Variants in CDV3 observed in about 807,000 individuals in gnomAD.
CDV3 encodes the protein CDV3 homolog, also known as protein CDV3 homolog.
Under a neutral mutation model 24.5 loss-of-function variants are expected in CDV3, and 14 were observed. The observed-to-expected ratio is 0.57, with a 90% CI of 0.38 to 0.89. The LOEUF is 0.89. Among genes scored for constraint, CDV3 ranks in the 40% least tolerant of loss-of-function variants. The probability of loss-of-function intolerance (pLI) is 0.00; values close to 1 mark genes in which losing one functional copy is unlikely to be tolerated. For synonymous variants in CDV3, 114 were observed against 114.1 expected (o/e 1.00, Z 0.00); for missense variants, 304 against 310.2 (o/e 0.98, Z 0.15).
At chr3:133,587,216 TCTTA>T in intron 4 of CDV3, 4 of 1,331,186 alleles carry the variant, frequency 3.0e-6, no homozygotes, top group African/African-American at 3.0e-5. Flanking sequence ...CACATCTACA[TCTTA>T]CTTTAGGGAC....
At chr3:133,577,299 G>C (rs1456706475) in intron 2 of CDV3, among the ~76,000 whole-genome samples, 2 of 151,748 alleles carry the variant, frequency 1.3e-5, no homozygotes, top group South Asian at 4.2e-4. Flanking sequence ...TCTGCTACAT[G>C]TGCTTTATCT....
intron 2 of CDV3, among the ~76,000 whole-genome samples, chr3:133,582,841 A>G (rs1429123456): frequency 1.3e-4 from 20 of 152,196 alleles, no homozygotes; most frequent in Admixed American, 1.3e-3. Context: ...TTCGAGGTGA[A>G]GAGTTGCAAA....
In CDV3 at chr3:133,586,552, TA is replaced by T; in HGVS notation, c.467-7del. The T allele has an allele frequency of 1.4e-6, 2 of 1,465,130 alleles. No individual in the cohort carries two copies. The highest frequency in any genetic ancestry group is 1.9e-6 in the Non-Finnish European group (2 of 1,060,960). The allele number at this position is 1,465,130 out of a possible 1,614,324, so 90.8% of individuals were successfully genotyped here. A position where few individuals can be genotyped will look rare whatever the true frequency, so the allele number is the denominator to read the frequency against. On this transcript the variant is annotated splice_polypyrimidine_tract_variant and intron_variant, in intron 3 of 4. Transcript: ENST00000264993. The stretch of plus-strand genomic sequence containing the variant: ...TAAATAGTTTATCTAAAAATTGTTA[TA>T]AAATATTAGTTACAGAAACCCCAGA...
chr3:133,584,718 A>G (rs941363001), intron 3 of CDV3, among the ~76,000 whole-genome samples: 8 of 152,206 alleles, frequency 5.3e-5, no homozygotes, highest in African/African-American at 9.7e-5. Flanking sequence ...TCTTTGAAGC[A>G]TGAATTCTCA....
rs1020969990 is a variant in CDV3 at position 133,588,512 on chromosome 3, AAGTC to A, written c.*469_*472del. On this transcript the variant is annotated 3_prime_UTR_variant, in exon 5 of 5. Transcript: ENST00000264993. ...ATTCTTATCAGAAATCCTGCATAAA[AAGTC>A]AGCCATCTGGGTTCTGATCTGCTGT... The A allele has an allele frequency of 1.1e-5, 9 of 826,930 alleles. No homozygotes were observed. Among genetic ancestry groups the A allele is most frequent in the African/African-American group, 8.6e-5 (5 of 58,158 alleles). 51.2% of individuals were successfully genotyped at this position (826,930 alleles called of 1,614,324 possible). A position where few individuals can be genotyped will look rare whatever the true frequency, so the allele number is the denominator to read the frequency against.
At chr3:133,578,829 G>T (rs1576641595) in intron 2 of CDV3, among the ~76,000 whole-genome samples, 1 of 152,178 alleles carries the variant, frequency 6.6e-6, no homozygotes, top group Non-Finnish European at 1.5e-5. Flanking sequence ...GGGAAGGGGA[G>T]TTAGGATGTA....
At chr3:133,585,039 C>CT (rs1933441608) in intron 3 of CDV3, among the ~76,000 whole-genome samples, 1 of 152,014 alleles carries the variant, frequency 6.6e-6, no homozygotes, top group South Asian at 2.1e-4. Context: ...TCACAGATAA[C>CT]TACTCTATGT....
At chr3:133,574,580 C>T in intron 1 of CDV3, 8 of 991,702 alleles carry the variant, frequency 8.1e-6, no homozygotes, top group Non-Finnish European at 9.6e-6. Context: ...CAGCACAGAG[C>T]AGCGTTTATC....
Position 133,574,048 on chromosome 3 carries a change from G to T in CDV3, c.4G>T (p.Ala2Ser). The change falls in exon 1 of 5, where the codon GCT (alanine) becomes TCT (serine). Residue 2 changes from alanine to serine, a missense_variant. By Grantham distance (99) the Ala-to-Ser change is moderately conservative. Around this residue, in one of 3 missense-constraint regions of CDV3, gnomAD observed 219 missense variants for 203.6 expected, o/e 1.08. Coordinates refer to ENST00000264993, the MANE Select transcript of CDV3 (RefSeq NM_017548.5). Reference protein sequence around the residue: MAETEERSLDNF... With the variant: MSETEERSLDNF... ...CCGGGTCGAGGAGGCCGAGGCCATGGCTGAGACGGAGGAGCGGAGCCTGGA... is the reference window on the plus strand; with the variant it reads ...CCGGGTCGAGGAGGCCGAGGCCATGTCTGAGACGGAGGAGCGGAGCCTGGA... 1 of 1,205,140 alleles carries T rather than the reference G, an allele frequency of 8.3e-7. No individual in the cohort carries two copies. Among genetic ancestry groups the T allele is most frequent in the Non-Finnish European group, 1.1e-6 (1 of 946,482 alleles). 74.7% of individuals were successfully genotyped at this position (1,205,140 alleles called of 1,614,324 possible).
At chr3:133,574,968 C>T (rs1461774868) in intron 1 of CDV3, 71 bp from the exon 2 acceptor site, 1 of 959,306 alleles carries the variant, frequency 1.0e-6, no homozygotes, top group Non-Finnish European at 1.7e-6. Context: ...ATCCACTTTT[C>T]GTAGTGTGTT....
At chr3:133,575,777 T>C (rs1416479380) in intron 2 of CDV3, among the ~76,000 whole-genome samples, 2 of 152,230 alleles carry the variant, frequency 1.3e-5, no homozygotes, top group Non-Finnish European at 2.9e-5. Flanking sequence ...ATTGGGTAGT[T>C]TAGAAGATTT....
At chr3:133,587,390 C>G (rs1040973564) in intron 4 of CDV3, 9 of 1,212,484 alleles carry the variant, frequency 7.4e-6, no homozygotes, top group African/African-American at 4.7e-5. Flanking sequence ...CTCCTCTGCT[C>G]TGTCTTAAAA....
At chr3:133,582,350 C>T (rs985837878) in intron 2 of CDV3, among the ~76,000 whole-genome samples, 1 of 152,246 alleles carries the variant, frequency 6.6e-6, no homozygotes, top group South Asian at 2.1e-4. Context: ...TGGGGTTTTG[C>T]CATGTTGGCC....
intron 4 of CDV3, chr3:133,587,659 G>T: frequency 8.3e-7 from 1 of 1,207,664 alleles, no homozygotes; most frequent in Non-Finnish European, 1.0e-6. Context: ...CTGAAATAGG[G>T]TCACAGTTAA....
chr3:133,576,672 T>C (rs2107696494), intron 2 of CDV3, among the ~76,000 whole-genome samples: 1 of 152,282 alleles, frequency 6.6e-6, no homozygotes. Context: ...TTACTGACTA[T>C]AAATTACATG....
chr3:133,588,523 C>T lies in CDV3; in HGVS notation c.*477C>T, dbSNP rs1319955385. ...AAATCCTGCATAAAAAGTCAGCCAT[C>T]TGGGTTCTGATCTGCTGTAAAAGAT... On this transcript the variant is annotated 3_prime_UTR_variant, in exon 5 of 5. Coordinates refer to ENST00000264993, the MANE Select transcript of CDV3 (RefSeq NM_017548.5). The T allele has an allele frequency of 2.7e-6, 2 of 747,832 alleles. No homozygotes were observed. Among genetic ancestry groups the T allele is most frequent in the Non-Finnish European group, 4.4e-6 (2 of 456,732 alleles). 46.3% of individuals were successfully genotyped at this position (747,832 alleles called of 1,614,324 possible).
chr3:133,583,499 G>T (rs1933274791), intron 2 of CDV3, among the ~76,000 whole-genome samples: 1 of 152,150 alleles, frequency 6.6e-6, no homozygotes, highest in South Asian at 2.1e-4. Flanking sequence ...GGTAACTGGG[G>T]TCTTGCTCTT....
Position 133,575,063 on chromosome 3 carries a change from G to C in CDV3, c.265G>C (p.Glu89Gln), listed in dbSNP as rs1340236899. 1 of 1,605,128 alleles carries C rather than the reference G, an allele frequency of 6.2e-7. No individual in the cohort carries two copies. Among genetic ancestry groups the C allele is most frequent in the Non-Finnish European group, 8.5e-7 (1 of 1,171,956 alleles). ...GGACGAAGATGAATGGAAAGAATTG[G>C]AGCAAAAAGAGGTTGATTACAGCGG... ...TKDEDEWKEL[E>Q]QKEVDYSGLR... The change falls in exon 2 of 5, where the codon GAG becomes CAG. Residue 89 changes from glutamate to glutamine, a missense_variant. By Grantham distance (29) the Glu-to-Gln change is conservative. Around this residue, in one of 3 missense-constraint regions of CDV3, gnomAD observed 219 missense variants for 203.6 expected, o/e 1.08. Coordinates refer to ENST00000264993, the MANE Select transcript of CDV3 (RefSeq NM_017548.5).
At chr3:133,577,301 G>A (rs1258493613) in intron 2 of CDV3, among the ~76,000 whole-genome samples, 1 of 151,446 alleles carries the variant, frequency 6.6e-6, no homozygotes, top group Non-Finnish European at 1.5e-5. Context: ...TGCTACATGT[G>A]CTTTATCTTT....
Sources: allele counts gnomAD v4.1 joint callset (sites outside exome capture counted in the v4.1 genomes callset), GRCh38; gene constraint gnomAD v4.1.1; regional missense constraint gnomAD v4.1.1; transcripts MANE v1.5; gene names NCBI Gene and HGNC (gene_info 2026-07-23, HGNC 2026-07-21).